LZTFL1: variants seen among roughly 807,000 people sequenced by gnomAD.
The protein encoded by LZTFL1 is leucine zipper transcription factor-like protein 1.
A neutral mutation model predicts 45.9 loss-of-function variants in LZTFL1; 25 were observed. That is an observed-to-expected ratio of 0.54 (90% CI 0.40 to 0.76). The LOEUF (loss-of-function observed/expected upper bound fraction) is 0.76. LZTFL1 is among the 30% of genes least tolerant of loss of function. The pLI, the probability that LZTFL1 is intolerant of heterozygous loss-of-function variation, is 0.00. For missense variants in LZTFL1, 277 were observed against 331.1 expected, an observed-to-expected ratio of 0.84 and a Z score of 1.27; for synonymous variants, 93 against 117.4, an observed-to-expected ratio of 0.79 and a Z score of 1.35.
At chr3:45,845,379 T>A (rs1173595082), upstream of LZTFL1, among the ~76,000 whole-genome samples, 3 of 152,162 alleles carry the variant, frequency 2.0e-5, no homozygotes, top group Admixed American at 1.3e-4. Flanking sequence ...ATAGTTCACT[T>A]CTGTTGAGGC....
chr3:45,834,246 T>G lies in LZTFL1; in HGVS notation c.376A>C (p.Asn126His), dbSNP rs9917821. 3.5e-3 allele frequency: 5,574 copies of G among 1,589,742 alleles called. 181 individuals carry two copies. The African/African-American group carries it at 0.067, about 19-fold the overall frequency. The change falls in exon 4 of 10, where the codon AAC (asparagine) becomes CAC (histidine). Residue 126 changes from asparagine (N) to histidine (H), a missense_variant. Physicochemically the swap from Asn to His is moderately conservative, Grantham distance 68 (BLOSUM62 1). Coordinates refer to ENST00000296135, the MANE Select transcript of LZTFL1 (RefSeq NM_020347.4). ...AATGACCAAAAAGTTACCTTTTTGT[T>G]TGAAGATGTAATCTCTGCTTTTTCA... ...EFEKAEITSS[N>H]KKPILDVTKP... is the part of the protein sequence containing the mutation.
chr3:45,901,358 G>A lies in LZTFL1; in HGVS notation c.-215+11762C>T. ...CAGAAATCTTATACAGCCAAATCAA[G>A]GAGGAATCCGGCATTGCTATCTGCA... On this transcript the variant is annotated intron_variant, in intron 2 of 4. Coordinates refer to the LZTFL1 transcript ENST00000472635. This position sits in a 1 kb window ranked among gnomAD's most constrained non-coding sequence, Gnocchi z 4.3. 1 of 1,614,180 alleles carries A rather than the reference G, an allele frequency of 6.2e-7. No homozygotes were observed. The highest frequency in any genetic ancestry group is 8.5e-7 in the Non-Finnish European group (1 of 1,180,024).
At chr3:45,865,346 A>T (rs1701560769) in intron 2 of LZTFL1, among the ~76,000 whole-genome samples, 1 of 152,276 alleles carries the variant, frequency 6.6e-6, no homozygotes, top group Non-Finnish European at 1.5e-5. Context: ...ATTGAGGTTT[A>T]CATGCACTGA....
At chr3:45,855,335 G>A (rs971507632) in intron 3 of LZTFL1, among the ~76,000 whole-genome samples, 6 of 151,940 alleles carry the variant, frequency 3.9e-5, no homozygotes, top group South Asian at 2.1e-4. Context: ...CAATAGAGGC[G>A]GAAAAGGCCT....
In LZTFL1 at chr3:45,835,758, T is replaced by A. The variant is rs1321243312; in HGVS notation, c.155A>T (p.Asp52Val). The A allele has an allele frequency of 1.2e-6, 2 of 1,613,508 alleles. No individual in the cohort carries two copies. Among genetic ancestry groups the A allele is most frequent in the Admixed American group, 3.3e-5 (2 of 59,976 alleles). The stretch of plus-strand genomic sequence containing the variant: ...TCCATTGAGGACTTCAGAGACTTCA[T>A]CTATGGTGAAGGTGTCCTCCACCAG... ...SRLVEDTFTI[D>V]EVSEVLNGLQ... The change falls in exon 3 of 10, where the codon GAT (aspartate) becomes GTT (valine). Residue 52 changes from aspartate to valine, a missense_variant. By Grantham distance (152) the Asp-to-Val change is radical. Transcript: ENST00000296135.
chr3:45,842,763 A>AT (rs200160593), upstream of LZTFL1, among the ~76,000 whole-genome samples: 1,409 of 152,286 alleles, frequency 9.3e-3, 28 homozygotes, highest in African/African-American at 0.032. Context: ...TGTTGAACAA[A>AT]TTCCTGGGCC....
intron 9 of LZTFL1, 130 bp from the exon 10 acceptor site, chr3:45,826,462 T>TGTC: frequency 1.3e-6 from 1 of 768,978 alleles, no homozygotes; most frequent in Non-Finnish European, 2.2e-6. Context: ...TTGGACACAT[T>TGTC]CAACTTTGTT....
At chr3:45,913,042 T>C in intron 2 of LZTFL1, 3 of 1,370,130 alleles carry the variant, frequency 2.2e-6, no homozygotes, top group South Asian at 1.3e-5. Flanking sequence ...ATGAGAATGG[T>C]TTAGAGAAAA....
intron 2 of LZTFL1, among the ~76,000 whole-genome samples, chr3:45,862,818 G>C (rs1470625733): frequency 6.6e-6 from 1 of 152,218 alleles, no homozygotes; most frequent in Non-Finnish European, 1.5e-5. Flanking sequence ...CTTCCCTCAG[G>C]CACTCTTCTG....
intron 4 of LZTFL1, among the ~76,000 whole-genome samples, chr3:45,852,986 A>G (rs1054015655): frequency 1.3e-5 from 2 of 152,204 alleles, no homozygotes; most frequent in African/African-American, 2.4e-5. Context: ...TGTTACCAAC[A>G]TTTAGATACT....
At chr3:45,834,104 A>G (rs1700904309) in intron 4 of LZTFL1, 134 bp downstream of exon 4, 1 of 590,446 alleles carries the variant, frequency 1.7e-6, no homozygotes, top group African/African-American at 1.9e-5. Flanking sequence ...ATGATAGACA[A>G]TTTCTGAATT....
At chr3:45,877,493 CAA>C (rs1559416664) in intron 2 of LZTFL1, among the ~76,000 whole-genome samples, 1 of 152,086 alleles carries the variant, frequency 6.6e-6, no homozygotes, top group Non-Finnish European at 1.5e-5. Context: ...CTCGGCCCCC[CAA>C]AGTGTTGGGT....
At position 45,901,017 on chromosome 3, in the gene LZTFL1, AC is replaced by A; in HGVS notation, c.-215+12102del. The A allele has an allele frequency of 1.2e-6, 2 of 1,614,172 alleles. No individual in the cohort carries two copies. The highest frequency in any genetic ancestry group is 1.7e-6 in the Non-Finnish European group (2 of 1,180,022). The stretch of plus-strand genomic sequence containing the variant: ...TGTTATCCTTGTCTACTGGTACTGC[AC>A]AAGAGTGAAGACCATGACCGACATG... On this transcript the variant is annotated intron_variant, in intron 2 of 4. Coordinates refer to the LZTFL1 transcript ENST00000472635. This position sits in a 1 kb window ranked among gnomAD's most constrained non-coding sequence, Gnocchi z 4.3.
chr3:45,889,313 A>T (rs1559420878), intron 2 of LZTFL1, among the ~76,000 whole-genome samples: 2 of 152,172 alleles, frequency 1.3e-5, no homozygotes, highest in Admixed American at 1.3e-4. Context: ...TTAAAAAAAA[A>T]AATAAAGAGA....
At chr3:45,895,101 G>T in intron 2 of LZTFL1, 1 of 836,248 alleles carries the variant, frequency 1.2e-6, no homozygotes, top group Non-Finnish European at 2.0e-6. Flanking sequence ...GCATTGCTGG[G>T]TAGGTTGTTG....
At chr3:45,898,906 G>A (rs1444471944) in intron 2 of LZTFL1, among the ~76,000 whole-genome samples, 3 of 152,230 alleles carry the variant, frequency 2.0e-5, no homozygotes, top group Admixed American at 6.5e-5. Flanking sequence ...GGTGGCTCAC[G>A]CCTGTAATGC....
intron 2 of LZTFL1, among the ~76,000 whole-genome samples, chr3:45,878,015 G>C (rs1701781998): frequency 6.6e-6 from 1 of 152,010 alleles, no homozygotes; most frequent in African/African-American, 2.4e-5. Context: ...CAAAGTGTTG[G>C]GATTACAGGC....
intron 8 of LZTFL1, 77 bp from the exon 9 acceptor site, chr3:45,827,536 AGT>A: frequency 3.3e-6 from 3 of 901,966 alleles, no homozygotes; most frequent in Non-Finnish European, 5.3e-6. Context: ...AAAAATATGT[AGT>A]TTTTTTTGCT....
intron 2 of LZTFL1, among the ~76,000 whole-genome samples, chr3:45,908,771 A>G (rs1702731633): frequency 6.6e-6 from 1 of 152,180 alleles, no homozygotes; most frequent in Non-Finnish European, 1.5e-5. Context: ...TTTCTTTTTA[A>G]ACTTTTTAAT....
Sources: allele counts gnomAD v4.1 joint callset (sites outside exome capture counted in the v4.1 genomes callset), GRCh38; gene constraint gnomAD v4.1.1; non-coding constraint Gnocchi (gnomAD v3.1); transcripts MANE v1.5; gene names NCBI Gene and HGNC (gene_info 2026-07-23, HGNC 2026-07-21).